TFDP2: variants seen among roughly 807,000 people sequenced by gnomAD.
TFDP2 encodes transcription factor Dp-2, also known as transcription factor Dp-2 (E2F dimerization partner 2).
TFDP2 carries 17 observed loss-of-function variants against 59.3 expected under a neutral mutation model. That is an observed-to-expected ratio of 0.29 (90% confidence interval 0.20 to 0.43). The LOEUF (loss-of-function observed/expected upper bound fraction) is 0.43. Ranked by LOEUF, TFDP2 falls within the 20% of genes least tolerant of loss-of-function variation. TFDP2 has a pLI of 1.00. For synonymous variants in TFDP2, 180 were observed against 194.7 expected (o/e 0.92, Z 0.63); for missense variants, 391 against 528.8 (o/e 0.74, Z 2.56).
chr3:142,100,517 C>T (rs1290055628), intron 2 of TFDP2, among the ~76,000 whole-genome samples: 10 of 152,170 alleles, frequency 6.6e-5, no homozygotes, highest in Non-Finnish European at 1.3e-4. Flanking sequence ...GAATTACAGG[C>T]GTCTGTCACC....
intron 3 of TFDP2, among the ~76,000 whole-genome samples, chr3:142,070,710 G>A (rs1028474002): frequency 6.6e-6 from 1 of 152,104 alleles, no homozygotes; most frequent in African/African-American, 2.4e-5. Context: ...TTGAAAATTG[G>A]ACTGTTGTTT....
chr3:141,973,427 A>G (rs1448577092), intron 8 of TFDP2, among the ~76,000 whole-genome samples: 1 of 152,116 alleles, frequency 6.6e-6, no homozygotes, highest in Non-Finnish European at 1.5e-5. Context: ...CCATGATAGT[A>G]AAATTATGTC....
At chr3:142,038,117 G>GCA (rs1315344249) in intron 3 of TFDP2, among the ~76,000 whole-genome samples, 1 of 152,180 alleles carries the variant, frequency 6.6e-6, no homozygotes, top group Non-Finnish European at 1.5e-5. Flanking sequence ...AGGCGCAGTG[G>GCA]CACACGCCTG....
intron 3 of TFDP2, among the ~76,000 whole-genome samples, chr3:142,083,453 C>A (rs1182960020): frequency 1.3e-5 from 2 of 152,086 alleles, no homozygotes; most frequent in African/African-American, 4.8e-5. Context: ...AGATTCAATG[C>A]AATCCTATCA....
chr3:141,972,962 T>G (rs1298391487), intron 8 of TFDP2, among the ~76,000 whole-genome samples: 1 of 151,654 alleles, frequency 6.6e-6, no homozygotes, highest in Non-Finnish European at 1.5e-5. Flanking sequence ...TGAAAAATAT[T>G]ATATAGCTTC....
chr3:141,959,119 A>C (rs1393185070), intron 11 of TFDP2, among the ~76,000 whole-genome samples: 1 of 151,576 alleles, frequency 6.6e-6, no homozygotes, highest in Non-Finnish European at 1.5e-5. Context: ...CGCCCGGCTA[A>C]TTTTTTGTAT....
At chr3:142,078,193 C>T (rs1266187475) in intron 3 of TFDP2, among the ~76,000 whole-genome samples, 1 of 152,142 alleles carries the variant, frequency 6.6e-6, no homozygotes, top group African/African-American at 2.4e-5. Context: ...CTAAGGTTTC[C>T]GACTCTAGGC....
chr3:141,974,911 T>TCTTC (rs1489107708), intron 7 of TFDP2, among the ~76,000 whole-genome samples: 1 of 137,618 alleles, frequency 7.3e-6, no homozygotes, highest in Non-Finnish European at 1.6e-5. Context: ...CTTCTTCTTT[T>TCTTC]TTTTTTTTTT....
intron 3 of TFDP2, among the ~76,000 whole-genome samples, chr3:142,077,024 G>T (rs1425039571): frequency 1.3e-5 from 2 of 152,140 alleles, no homozygotes; most frequent in Non-Finnish European, 2.9e-5. Flanking sequence ...CAGAAAGAGA[G>T]AATCTATGCA....
At chr3:142,052,959 G>C (rs1329724491) in intron 3 of TFDP2, among the ~76,000 whole-genome samples, 1 of 151,966 alleles carries the variant, frequency 6.6e-6, no homozygotes, top group Non-Finnish European at 1.5e-5. Flanking sequence ...ACAGGCACCT[G>C]CCACTACGCC....
At chr3:142,114,800 G>C (rs1034365735) in intron 1 of TFDP2, among the ~76,000 whole-genome samples, 1 of 152,036 alleles carries the variant, frequency 6.6e-6, no homozygotes, top group Non-Finnish European at 1.5e-5. Context: ...ACTATTGAAA[G>C]ATAAGAACCT....
Position 142,044,166 on chromosome 3 carries a change from G to A in TFDP2, c.83-38622C>T, listed in dbSNP as rs1947192610. On this transcript the variant is annotated intron_variant, in intron 3 of 12. Coordinates refer to ENST00000489671, the MANE Select transcript of TFDP2 (RefSeq NM_001178139.2). ...TCTTGCCACAGCAGAGGACAGAAGA[G>A]GCGAGCCTCTTCTGAAGCCTGAGCA... 13 of 534,510 alleles carry A rather than the reference G, an allele frequency of 2.4e-5. No homozygotes were observed. In the South Asian group the frequency reaches 2.5e-4, roughly 10 times the overall value. The allele number at this position is 534,510 out of a possible 1,614,324, so 33.1% of individuals were successfully genotyped here. A position where few individuals can be genotyped will look rare whatever the true frequency, so the allele number is the denominator to read the frequency against.
intron 1 of TFDP2, among the ~76,000 whole-genome samples, chr3:142,134,530 TAATA>T (rs545521990): frequency 6.6e-6 from 1 of 152,212 alleles, no homozygotes; most frequent in East Asian, 1.9e-4. Context: ...ATGGGAATCC[TAATA>T]AATAAATAGT....
chr3:141,966,572 T>C (rs1168986251), intron 9 of TFDP2, among the ~76,000 whole-genome samples: 1 of 151,860 alleles, frequency 6.6e-6, no homozygotes, highest in African/African-American at 2.4e-5. Context: ...AACTGACTTA[T>C]TTGTTGCCCT....
intron 3 of TFDP2, among the ~76,000 whole-genome samples, chr3:142,065,091 G>A (rs1323284667): frequency 6.6e-6 from 1 of 152,092 alleles, no homozygotes; most frequent in Non-Finnish European, 1.5e-5. Flanking sequence ...GCAACTCGCT[G>A]GGATGAACTG....
intron 3 of TFDP2, among the ~76,000 whole-genome samples, chr3:142,060,239 C>T (rs1050599029): frequency 6.6e-6 from 1 of 152,146 alleles, no homozygotes; most frequent in Non-Finnish European, 1.5e-5. Context: ...AACTCCTTGC[C>T]TCAAGTGATC....
chr3:142,035,328 T>C (rs1473997635), intron 3 of TFDP2, among the ~76,000 whole-genome samples: 1 of 152,208 alleles, frequency 6.6e-6, no homozygotes, highest in Non-Finnish European at 1.5e-5. Context: ...TTTGAACTAA[T>C]TGCATTTATG....
At position 142,123,391 on chromosome 3, in the gene TFDP2, C is replaced by T. The variant is rs188363682; in HGVS notation, c.-92-21550G>A. ...CCTCGCGATCCACCTGCCTCAGCCT[C>T]CCAAAGTGCTGGGATTAGAGGCGTG... On this transcript the variant is annotated intron_variant, in intron 1 of 12. Coordinates refer to ENST00000489671, the MANE Select transcript of TFDP2 (RefSeq NM_001178139.2). 1.1e-4 allele frequency among the ~76,000 whole-genome samples: 16 copies of T among 152,318 alleles called. No individual in the cohort carries two copies. The East Asian group carries it at 3.1e-3, about 29-fold the overall frequency.
chr3:141,999,902 A>G (rs572008747), intron 4 of TFDP2, among the ~76,000 whole-genome samples: 13 of 152,094 alleles, frequency 8.5e-5, no homozygotes, highest in African/African-American at 3.1e-4. Context: ...CGCCCGGCTA[A>G]TTTTTTGTAC....
Sources: allele counts gnomAD v4.1 joint callset (sites outside exome capture counted in the v4.1 genomes callset), GRCh38; gene constraint gnomAD v4.1.1; transcripts MANE v1.5; gene names NCBI Gene and HGNC (gene_info 2026-07-23, HGNC 2026-07-21).